RSPH4A: variants seen among roughly 807,000 people sequenced by gnomAD.
The protein encoded by RSPH4A is radial spoke head protein 4 homolog A.
Under a neutral mutation model 71.0 loss-of-function variants are expected in RSPH4A, and 47 were observed. That is an observed-to-expected ratio of 0.66 (90% confidence interval 0.52 to 0.84). The LOEUF is 0.84. RSPH4A is among the 40% of genes least tolerant of loss of function. The probability of loss-of-function intolerance (pLI) is 0.00; values close to 1 mark genes in which losing one functional copy is unlikely to be tolerated. For synonymous variants in RSPH4A, 282 were observed against 302.3 expected, an observed-to-expected ratio of 0.93 and a Z score of 0.70; for missense variants, 793 against 855.2, an observed-to-expected ratio of 0.93 and a Z score of 0.91.
At chr6:116,622,745 TG>T in intron 1 of RSPH4A, 22 bp from the exon 2 acceptor site, 1 of 1,424,646 alleles carries the variant, frequency 7.0e-7, no homozygotes, top group Non-Finnish European at 9.9e-7. Context: ...GTATATTATC[TG>T]GAATTTTCTC....
At chr6:116,624,321 G>T (rs1775659228) in intron 2 of RSPH4A, among the ~76,000 whole-genome samples, 1 of 152,174 alleles carries the variant, frequency 6.6e-6, no homozygotes. Context: ...GATGAGTCTG[G>T]GAGCAAACAG....
In RSPH4A at chr6:116,626,367, T is replaced by G. The variant is rs113159673; in HGVS notation, c.922-1262T>G. 2.9e-3 allele frequency among the ~76,000 whole-genome samples: 447 copies of G among 152,238 alleles called. 3 individuals carry two copies. The highest frequency in any genetic ancestry group is 0.01 in the African/African-American group (431 of 41,538). ...TCTTTTTTTCTTTTTCTTTTTCTTTTTTTTGAGACCGTCACCCAGGCTGTA... is the reference window on the plus strand; with the variant it reads ...TCTTTTTTTCTTTTTCTTTTTCTTTGTTTTGAGACCGTCACCCAGGCTGTA... On this transcript the variant is annotated intron_variant, in intron 2 of 5. Transcript: ENST00000229554.
Position 116,628,148 on chromosome 6 carries a change from A to G in RSPH4A, c.1441A>G (p.Ser481Gly). The G allele has an allele frequency of 6.2e-7, 1 of 1,614,144 alleles. No homozygotes were observed. The highest frequency in any genetic ancestry group is 8.5e-7 in the Non-Finnish European group (1 of 1,180,014). The change falls in exon 3 of 6, where the codon AGT (serine) becomes GGT (glycine). Residue 481 changes from serine (S) to glycine (G), a missense_variant. Coordinates refer to ENST00000229554, the MANE Select transcript of RSPH4A (RefSeq NM_001010892.3). Reference protein sequence around the residue: ...ISYPPFPGNESNYLRAQIARI... With the variant: ...ISYPPFPGNEGNYLRAQIARI... Reference sequence around the variant, plus strand: ...CTACCCACCTTTCCCAGGAAATGAGAGTAATTATTTACGAGCACAAATTGC... The same window carrying G: ...CTACCCACCTTTCCCAGGAAATGAGGGTAATTATTTACGAGCACAAATTGC...
chr6:116,630,851 T>TTTTG (rs1775792674), intron 5 of RSPH4A, among the ~76,000 whole-genome samples: 1 of 138,142 alleles, frequency 7.2e-6, no homozygotes, highest in Non-Finnish European at 1.6e-5. Context: ...TTTTGTATTT[T>TTTTG]TTTTTTTTTT....
rs750920874 is a variant in RSPH4A, at chr6:116,632,429, T to A, written c.2139T>A (p.Asp713Glu). The A allele has an allele frequency of 6.2e-7, 1 of 1,612,626 alleles. No individual in the cohort carries two copies. Among genetic ancestry groups the A allele is most frequent in the South Asian group, 1.1e-5 (1 of 90,684 alleles). ...CTGAGGAAGATGAAGATGAGGAAGATGATTATGACTAATAAACATAAAATT... is the reference window on the plus strand; with the variant it reads ...CTGAGGAAGATGAAGATGAGGAAGAAGATTATGACTAATAAACATAAAATT... ...EESEEDEDEEDDYD is the reference protein window; with the variant it reads ...EESEEDEDEEEDYD The change falls in exon 6 of 6, where the codon GAT (aspartate) becomes GAA (glutamate). Residue 713 changes from aspartate (D) to glutamate (E), a missense_variant. Physicochemically the swap from Asp to Glu is conservative, Grantham distance 45. Coordinates refer to ENST00000229554, the MANE Select transcript of RSPH4A (RefSeq NM_001010892.3).
At chr6:116,620,719 A>C (rs2115354583) in intron 1 of RSPH4A, among the ~76,000 whole-genome samples, 1 of 152,338 alleles carries the variant, frequency 6.6e-6, no homozygotes, top group South Asian at 2.1e-4. Context: ...CTGAAAAATA[A>C]AATGAAAATT....
Position 116,616,529 on chromosome 6 carries a change from T to C in RSPH4A, c.-95T>C. 8.9e-7 allele frequency: 1 copy of C among 1,122,050 alleles called. No homozygotes were observed. The highest frequency in any genetic ancestry group is 1.3e-6 in the Non-Finnish European group (1 of 758,574). The allele number at this position is 1,122,050 out of a possible 1,614,324, so 69.5% of individuals were successfully genotyped here. A position where few individuals can be genotyped will look rare whatever the true frequency, so the allele number is the denominator to read the frequency against. ...AGAGCAACCAGGACCCAGAAATCGC[T>C]TAAGAGACCGCGGCAAAGTAACTTA... On this transcript the variant is annotated 5_prime_UTR_variant, in exon 1 of 6. Transcript: ENST00000229554.
At chr6:116,619,462 C>T (rs144592090) in intron 1 of RSPH4A, among the ~76,000 whole-genome samples, 60 of 152,246 alleles carry the variant, frequency 3.9e-4, no homozygotes, top group African/African-American at 1.4e-3. Context: ...ACTTATGAGT[C>T]AGAAACTATG....
intron 3 of RSPH4A, 71 bp downstream of exon 3, chr6:116,628,440 C>G (rs150384111): frequency 2.5e-6 from 3 of 1,199,642 alleles, no homozygotes; most frequent in African/African-American, 3.0e-5. Flanking sequence ...CTATAATGCA[C>G]AAAGACATAC....
At chr6:116,630,256 A>C (rs575580513) in intron 4 of RSPH4A, among the ~76,000 whole-genome samples, 179 bp from the exon 5 acceptor site, 1 of 152,170 alleles carries the variant, frequency 6.6e-6, no homozygotes, top group South Asian at 2.1e-4. Flanking sequence ...GTTCCAAAAC[A>C]TTCATGAAGT....
In RSPH4A at chr6:116,627,686, G is replaced by A; in HGVS notation, c.979G>A (p.Val327Ile). 1 of 1,614,220 alleles carries A rather than the reference G, an allele frequency of 6.2e-7. No homozygotes were observed. Among genetic ancestry groups the A allele is most frequent in the Non-Finnish European group, 8.5e-7 (1 of 1,180,048 alleles). The change falls in exon 3 of 6, where the codon GTT becomes ATT. Residue 327 changes from valine to isoleucine, a missense_variant. By Grantham distance (29) the Val-to-Ile change is conservative. Coordinates refer to ENST00000229554, the MANE Select transcript of RSPH4A (RefSeq NM_001010892.3). ...ESAFYFEQAGVGLGTDETYRI... is the reference protein window; with the variant it reads ...ESAFYFEQAGIGLGTDETYRI... ...AGCTTTTTATTTTGAACAAGCTGGA[G>A]TTGGTTTGGGCACAGATGAGACATA...
At chr6:116,619,166 T>A (rs1775560087) in intron 1 of RSPH4A, among the ~76,000 whole-genome samples, 1 of 152,150 alleles carries the variant, frequency 6.6e-6, no homozygotes, top group African/African-American at 2.4e-5. Context: ...TTTATGGATA[T>A]GTTATTGGAT....
chr6:116,628,569 G>T (rs754457995), intron 3 of RSPH4A, among the ~76,000 whole-genome samples, 200 bp downstream of exon 3: 6 of 152,014 alleles, frequency 3.9e-5, no homozygotes, highest in Non-Finnish European at 8.8e-5. Flanking sequence ...TATAACTGAA[G>T]GTCCCAGGGA....
At chr6:116,631,573 C>T (rs1458075473) in intron 5 of RSPH4A, among the ~76,000 whole-genome samples, 2 of 152,104 alleles carry the variant, frequency 1.3e-5, no homozygotes, top group Non-Finnish European at 2.9e-5. Context: ...GCACAGAGAG[C>T]AGAGAAAGGA....
Position 116,629,576 on chromosome 6 carries a change from A to T in RSPH4A, c.1672A>T (p.Asn558Tyr). The T allele has an allele frequency of 3.1e-6, 5 of 1,612,964 alleles. No homozygotes were observed. Among genetic ancestry groups the T allele is most frequent in the Non-Finnish European group, 4.2e-6 (5 of 1,179,044 alleles). The change falls in exon 4 of 6, where the codon AAT becomes TAT. Residue 558 changes from asparagine to tyrosine, a missense_variant. Transcript: ENST00000229554. ...CAACATTCATTCCCAGGGTCGCTGT[A>T]ATTGGTTCAACTCCATACAAAAAAA... ...VQHILSQGRC[N>Y]WFNSIQKNEE...
rs1247436211 is a variant in RSPH4A at position 116,622,840 on chromosome 6, A to G, written c.759A>G (p.Glu253=). 3 of 1,613,536 alleles carry G rather than the reference A, an allele frequency of 1.9e-6. No homozygotes were observed. Among genetic ancestry groups the G allele is most frequent in the Non-Finnish European group, 1.7e-6 (2 of 1,179,498 alleles). Residue 253 remains glutamate, a synonymous_variant, in exon 2 of 6, where the codon GAA becomes GAG. Transcript: ENST00000229554. The part of the protein sequence containing the change: ...ERPENAVDIF[E]NISQDVKMAH... ...CTGAAAATGCTGTTGACATCTTTGA[A>G]AATATTAGCCAAGATGTGAAGATGG...
Position 116,632,532 on chromosome 6 carries a change from T to C in RSPH4A, c.*91T>C. 1 of 1,484,484 alleles carries C rather than the reference T, an allele frequency of 6.7e-7. No individual in the cohort carries two copies. Among genetic ancestry groups the C allele is most frequent in the Non-Finnish European group, 9.1e-7 (1 of 1,095,738 alleles). The allele number at this position is 1,484,484 out of a possible 1,614,324, so 92.0% of individuals were successfully genotyped here. On this transcript the variant is annotated 3_prime_UTR_variant, in exon 6 of 6. Transcript: ENST00000229554. ...TTTACACTTTTCTGTGTTATGTGTGTATATACATACACATGTAAGAAATTA... is the reference window on the plus strand; with the variant it reads ...TTTACACTTTTCTGTGTTATGTGTGCATATACATACACATGTAAGAAATTA...
chr6:116,618,397 G>T (rs1775545245), intron 1 of RSPH4A, among the ~76,000 whole-genome samples: 1 of 152,150 alleles, frequency 6.6e-6, no homozygotes, highest in Non-Finnish European at 1.5e-5. Flanking sequence ...TCTGAATTTT[G>T]TATACCACTA....
chr6:116,618,677 C>G (rs1356418250), intron 1 of RSPH4A, among the ~76,000 whole-genome samples: 1 of 152,236 alleles, frequency 6.6e-6, no homozygotes, highest in Non-Finnish European at 1.5e-5. Context: ...CTGCGCCCAG[C>G]CTCAACACAG....
Sources: gnomAD v4.1 joint callset for allele counts (sites outside exome capture counted in the v4.1 genomes callset) on GRCh38, gnomAD v4.1.1 for gene constraint, MANE v1.5 for transcripts, NCBI Gene and HGNC (gene_info 2026-07-23, HGNC 2026-07-21) for gene names.